Variants in INPP5A observed in about 807,000 individuals in gnomAD.
INPP5A encodes the protein 43 kDa inositol polyphosphate 5-phophatase.
A neutral mutation model predicts 65.2 loss-of-function variants in INPP5A; 14 were observed. The ratio of observed to expected loss-of-function variants is 0.21; its 90% CI spans 0.14 to 0.34. The LOEUF (loss-of-function observed/expected upper bound fraction) is 0.34. Ranked by LOEUF, INPP5A falls within the 10% of genes least tolerant of loss-of-function variation. INPP5A has a pLI of 1.00. For missense variants in INPP5A, 431 were observed against 545.6 expected (o/e 0.79, Z 2.09); for synonymous variants, 207 against 208.3 (o/e 0.99, Z 0.05).
At chr10:132,584,000 T>C (rs887469885) in intron 1 of INPP5A, among the ~76,000 whole-genome samples, 11 of 152,188 alleles carry the variant, frequency 7.2e-5, no homozygotes, top group Non-Finnish European at 1.5e-4. Flanking sequence ...GGAGGATTCC[T>C]TGGGCACAGG....
At chr10:132,723,202 G>A (rs1250650154) in intron 8 of INPP5A, among the ~76,000 whole-genome samples, 1 of 152,234 alleles carries the variant, frequency 6.6e-6, no homozygotes, top group East Asian at 1.9e-4. Context: ...GTCGCCTGGC[G>A]GCTTTCTCGG....
chr10:132,568,564 T>C (rs1452854200), intron 1 of INPP5A, among the ~76,000 whole-genome samples: 4 of 151,244 alleles, frequency 2.6e-5, no homozygotes, highest in Admixed American at 6.6e-5. Flanking sequence ...GCCTGGCCAA[T>C]GTGGTAAAAC....
intron 2 of INPP5A, among the ~76,000 whole-genome samples, chr10:132,642,713 G>A (rs1373112303): frequency 1.3e-5 from 2 of 152,232 alleles, no homozygotes; most frequent in Non-Finnish European, 2.9e-5. Context: ...AAGCTGTCCC[G>A]CTTTAAATTA....
At chr10:132,590,536 T>TG (rs1564926627) in intron 1 of INPP5A, among the ~76,000 whole-genome samples, 1 of 152,100 alleles carries the variant, frequency 6.6e-6, no homozygotes, top group Non-Finnish European at 1.5e-5. Context: ...AAGATGTCAG[T>TG]GGGGCCTGCG....
chr10:132,639,947 A>G (rs1161205589), intron 2 of INPP5A, among the ~76,000 whole-genome samples: 1 of 151,574 alleles, frequency 6.6e-6, no homozygotes, highest in Non-Finnish European at 1.5e-5. Context: ...TTCTGTTGAA[A>G]TTTTCTGTCT....
At chr10:132,576,778 C>T (rs954614927) in intron 1 of INPP5A, among the ~76,000 whole-genome samples, 1 of 152,234 alleles carries the variant, frequency 6.6e-6, no homozygotes, top group African/African-American at 2.4e-5. Flanking sequence ...CTTGCCTGTG[C>T]TGACCGGCCA....
chr10:132,736,897 T>G (rs1846186462), intron 9 of INPP5A, among the ~76,000 whole-genome samples: 1 of 152,230 alleles, frequency 6.6e-6, no homozygotes, highest in Non-Finnish European at 1.5e-5. Context: ...CTCATCTGGT[T>G]ACCGGCTGCC....
chr10:132,691,516 G>A (rs935671684), intron 5 of INPP5A, among the ~76,000 whole-genome samples: 18 of 152,240 alleles, frequency 1.2e-4, no homozygotes, highest in Admixed American at 9.8e-4. Flanking sequence ...GTCAGGCTGC[G>A]CCGTGCCGCG....
intron 9 of INPP5A, among the ~76,000 whole-genome samples, chr10:132,745,774 G>A (rs1042733556): frequency 2.0e-5 from 3 of 150,728 alleles, no homozygotes; most frequent in Non-Finnish European, 3.0e-5. Flanking sequence ...TGGTGGGCCC[G>A]GGCATGGTGG....
At chr10:132,731,987 C>G (rs7899258) in intron 9 of INPP5A, among the ~76,000 whole-genome samples, 1 of 152,228 alleles carries the variant, frequency 6.6e-6, no homozygotes, top group Non-Finnish European at 1.5e-5. Context: ...CCCCAACAGA[C>G]GTAGATGCCA....
intron 1 of INPP5A, among the ~76,000 whole-genome samples, chr10:132,574,320 A>G (rs28445566): frequency 0.017 from 1,360 of 78,602 alleles, 30 homozygotes; most frequent in African/African-American, 0.054. Context: ...TTTGGGTTGT[A>G]CGTGCCGTGG....
chr10:132,635,873 G>T (rs1018596616), intron 2 of INPP5A, among the ~76,000 whole-genome samples: 3 of 151,458 alleles, frequency 2.0e-5, no homozygotes, highest in African/African-American at 7.3e-5. Context: ...CAGGAGGCTG[G>T]AGGCTAAGCC....
At chr10:132,583,714 T>G (rs935955246) in intron 1 of INPP5A, among the ~76,000 whole-genome samples, 1 of 152,212 alleles carries the variant, frequency 6.6e-6, no homozygotes, top group African/African-American at 2.4e-5. Context: ...CTTGGTAAAT[T>G]ACATCGCTGT....
rs944258706 is a variant in INPP5A, at chr10:132,547,390, C to T, written c.75+9219C>T. Among the ~76,000 whole-genome samples the T allele has an allele frequency of 2.0e-5, 3 of 152,226 alleles. No homozygotes were observed. The highest frequency in any genetic ancestry group is 7.2e-5 in the African/African-American group (3 of 41,470). On this transcript the variant is annotated intron_variant, in intron 1 of 15. Coordinates refer to ENST00000368594, the MANE Select transcript of INPP5A (RefSeq NM_005539.5). The surrounding 1 kb of genome is among the most constrained non-coding windows in gnomAD (Gnocchi z 5.5). The stretch of plus-strand genomic sequence containing the variant: ...TTCTCGGCGGCCTCTCGGTAACAGC[C>T]TGGCCTTTGCTTCTGTCCGGGGCGC...
intron 1 of INPP5A, among the ~76,000 whole-genome samples, chr10:132,570,090 G>A (rs1192246194): frequency 6.7e-6 from 1 of 148,886 alleles, no homozygotes; most frequent in African/African-American, 2.5e-5. Context: ...GTGAGCCACC[G>A]CGCTGGGCCC....
chr10:132,690,655 C>T (rs780293226), intron 5 of INPP5A, among the ~76,000 whole-genome samples, 200 bp downstream of exon 5: 6 of 152,096 alleles, frequency 3.9e-5, no homozygotes, highest in African/African-American at 9.7e-5. Flanking sequence ...GGCTCCCTGG[C>T]AAGGCTCTGG....
intron 4 of INPP5A, among the ~76,000 whole-genome samples, chr10:132,679,251 G>A (rs530235330): frequency 6.6e-6 from 1 of 152,312 alleles, no homozygotes; most frequent in East Asian, 1.9e-4. Flanking sequence ...GTTTGGGTGA[G>A]GCATATGGAC....
chr10:132,770,585 G>A (rs1846931911), intron 12 of INPP5A, among the ~76,000 whole-genome samples: 1 of 152,226 alleles, frequency 6.6e-6, no homozygotes, highest in African/African-American at 2.4e-5. Context: ...CGCCCCGGTG[G>A]CCTGGCCACT....
intron 9 of INPP5A, among the ~76,000 whole-genome samples, chr10:132,728,842 A>G (rs1369737360): frequency 6.6e-6 from 1 of 152,148 alleles, no homozygotes; most frequent in African/African-American, 2.4e-5. Flanking sequence ...CTCCCTGGTG[A>G]AGGGAGCCAG....
Sources: allele counts gnomAD v4.1 joint callset (sites outside exome capture counted in the v4.1 genomes callset), GRCh38; gene constraint gnomAD v4.1.1; non-coding constraint Gnocchi (gnomAD v3.1); transcripts MANE v1.5; gene names NCBI Gene and HGNC (gene_info 2026-07-23, HGNC 2026-07-21).